KSR2: variants seen among roughly 807,000 people sequenced by gnomAD.
KSR2 encodes the protein kinase suppressor of ras 2.
In KSR2, 25 loss-of-function variants were observed where a neutral mutation model predicts 107.8. The observed-to-expected ratio is 0.23, with a 90% CI of 0.17 to 0.32. KSR2 has a LOEUF of 0.32. Among genes scored for constraint, KSR2 ranks in the 10% least tolerant of loss-of-function variants. The probability of loss-of-function intolerance (pLI) is 1.00; values close to 1 mark genes in which losing one functional copy is unlikely to be tolerated. For synonymous variants in KSR2, 480 were observed against 507.0 expected (o/e 0.95, Z 0.71); for missense variants, 887 against 1,268.9 (o/e 0.70, Z 4.57).
intron 4 of KSR2, among the ~76,000 whole-genome samples, chr12:117,753,947 CGTGT>C (rs34174404): frequency 0.13 from 16,197 of 128,738 alleles, 1,030 homozygotes; most frequent in African/African-American, 0.17. Context: ...AAGTATAGAG[CGTGT>C]GTGTGTGTGT....
intron 1 of KSR2, among the ~76,000 whole-genome samples, chr12:117,877,204 G>A (rs1189324731): frequency 6.6e-6 from 1 of 152,132 alleles, no homozygotes; most frequent in Non-Finnish European, 1.5e-5. Flanking sequence ...GGGCATGGTG[G>A]TGGGCGCCTG....
At chr12:117,830,147 A>C (rs2137110471) in intron 3 of KSR2, among the ~76,000 whole-genome samples, 1 of 152,220 alleles carries the variant, frequency 6.6e-6, no homozygotes, top group African/African-American at 2.4e-5. Context: ...GCATGCCTGT[A>C]ATCCCAGCTA....
chr12:117,511,554 C>T (rs1033400915), intron 14 of KSR2, among the ~76,000 whole-genome samples: 1 of 152,178 alleles, frequency 6.6e-6, no homozygotes, highest in African/African-American at 2.4e-5. Flanking sequence ...TTGAACAAGC[C>T]ACCTTACCTC....
chr12:117,825,429 G>A (rs1459953202), intron 3 of KSR2, among the ~76,000 whole-genome samples: 1 of 152,154 alleles, frequency 6.6e-6, no homozygotes, highest in East Asian at 1.9e-4. Flanking sequence ...TCCAGCCATG[G>A]AGAACTCTGG....
intron 4 of KSR2, among the ~76,000 whole-genome samples, chr12:117,737,512 G>T (rs947109406): frequency 1.3e-5 from 2 of 152,096 alleles, no homozygotes; most frequent in Non-Finnish European, 2.9e-5. Flanking sequence ...GCCAGGTGCG[G>T]TGGCTCGTGC....
intron 1 of KSR2, among the ~76,000 whole-genome samples, chr12:117,884,357 A>G (rs1475524319): frequency 2.0e-5 from 3 of 152,230 alleles, no homozygotes; most frequent in Non-Finnish European, 2.9e-5. Context: ...TCTCAGCACA[A>G]TGTTCTCTGT....
intron 3 of KSR2, among the ~76,000 whole-genome samples, chr12:117,799,120 G>A (rs1013431225): frequency 1.4e-4 from 22 of 152,312 alleles, no homozygotes; most frequent in African/African-American, 5.3e-4. Flanking sequence ...GCTCTATTTG[G>A]TGTGATGAAT....
chr12:117,826,847 G>T (rs985594913), intron 3 of KSR2, among the ~76,000 whole-genome samples: 5 of 152,000 alleles, frequency 3.3e-5, no homozygotes, highest in Non-Finnish European at 5.9e-5. Context: ...CAATTTGGGA[G>T]GCCAAGGTGG....
intron 5 of KSR2, among the ~76,000 whole-genome samples, chr12:117,622,700 A>G (rs16947812): frequency 0.021 from 3,148 of 152,248 alleles, 111 homozygotes; most frequent in African/African-American, 0.072. Context: ...CTTCAATTCA[A>G]TGGGATTTCC....
intron 4 of KSR2, among the ~76,000 whole-genome samples, chr12:117,670,616 T>G (rs141599663): frequency 6.6e-6 from 1 of 152,264 alleles, no homozygotes; most frequent in East Asian, 1.9e-4. Flanking sequence ...GCCCTAAATC[T>G]TCACTTTTGC....
In KSR2 at chr12:117,761,332, G is replaced by T; in HGVS notation, c.665C>A (p.Thr222Asn). The T allele has an allele frequency of 6.4e-7, 1 of 1,570,728 alleles. No individual in the cohort carries two copies. The highest frequency in any genetic ancestry group is 8.6e-7 in the Non-Finnish European group (1 of 1,163,844). ...TSPTPGAPVY[T>N]HVDRLTVDAY... Reference sequence around the variant, plus strand: ...GTCCACGGTAAGCCTGTCCACGTGGGTGTACACAGGGGCCCCGGGAGTGGG... The same window carrying T: ...GTCCACGGTAAGCCTGTCCACGTGGTTGTACACAGGGGCCCCGGGAGTGGG... Residue 222 changes from threonine (T) to asparagine (N), a missense_variant, in exon 4 of 20, where the codon ACC becomes AAC. Around this residue, in one of 8 missense-constraint regions of KSR2, gnomAD observed 399 missense variants for 479.5 expected, o/e 0.83. Transcript: ENST00000339824.
At chr12:117,605,434 G>C (rs1187185700) in intron 5 of KSR2, among the ~76,000 whole-genome samples, 1 of 152,048 alleles carries the variant, frequency 6.6e-6, no homozygotes, top group Non-Finnish European at 1.5e-5. Context: ...AGGATGTACA[G>C]GCTTGTTACA....
chr12:117,677,039 C>CAG lies in KSR2; in HGVS notation c.987-9383_987-9382dup, dbSNP rs549117584. Among the ~76,000 whole-genome samples, 394 of 152,204 alleles carry CAG rather than the reference C, an allele frequency of 2.6e-3. 2 individuals carry two copies. The highest frequency in any genetic ancestry group is 4.6e-3 in the Non-Finnish European group (310 of 68,006). On this transcript the variant is annotated intron_variant, in intron 4 of 19. Transcript: ENST00000339824. ...CATCATCGGGATAAGGTGATGATGCCAGGCCTGGGAAGCAGGAAGCCTTCC... is the reference window on the plus strand; with the variant it reads ...CATCATCGGGATAAGGTGATGATGCCAGAGGCCTGGGAAGCAGGAAGCCTTCC...
At chr12:117,519,704 A>G (rs2137221709) in intron 14 of KSR2, among the ~76,000 whole-genome samples, 1 of 152,126 alleles carries the variant, frequency 6.6e-6, no homozygotes, top group South Asian at 2.1e-4. Flanking sequence ...GGGATGTGGG[A>G]AAGAGAACAG....
At chr12:117,939,478 C>T (rs899325626) in intron 1 of KSR2, among the ~76,000 whole-genome samples, 47 of 152,048 alleles carry the variant, frequency 3.1e-4, no homozygotes, top group Non-Finnish European at 4.7e-4. Context: ...TTTGGGAGGC[C>T]GAGGCGGGTG....
chr12:117,701,797 T>C (rs1234559783), intron 4 of KSR2, among the ~76,000 whole-genome samples: 2 of 152,064 alleles, frequency 1.3e-5, no homozygotes, highest in African/African-American at 4.8e-5. Context: ...AGCCAAGGAA[T>C]GTCAAGGATT....
At chr12:117,569,546 G>A (rs1488406854) in intron 7 of KSR2, among the ~76,000 whole-genome samples, 1 of 152,074 alleles carries the variant, frequency 6.6e-6, no homozygotes. Flanking sequence ...AACGAACATG[G>A]GTCTCACTCC....
intron 5 of KSR2, among the ~76,000 whole-genome samples, chr12:117,619,243 G>T (rs1882041818): frequency 6.6e-6 from 1 of 151,838 alleles, no homozygotes; most frequent in Non-Finnish European, 1.5e-5. Flanking sequence ...TAAGTTTTAG[G>T]GTACATGTGC....
At chr12:117,928,182 C>CTTTTTTT (rs35971412) in intron 1 of KSR2, among the ~76,000 whole-genome samples, 1 of 140,650 alleles carries the variant, frequency 7.1e-6, no homozygotes, top group Non-Finnish European at 1.5e-5. Context: ...TCCTTCTTTC[C>CTTTTTTT]TTTTTTTTTT....
Sources: gnomAD v4.1 joint callset for allele counts (sites outside exome capture counted in the v4.1 genomes callset) on GRCh38, gnomAD v4.1.1 for gene constraint, gnomAD v4.1.1 regional missense constraint, MANE v1.5 for transcripts, NCBI Gene and HGNC (gene_info 2026-07-23, HGNC 2026-07-21) for gene names.